Variants in SPTAN1 observed in about 807,000 individuals in gnomAD.
SPTAN1 encodes spectrin alpha, non-erythrocytic 1.
A neutral mutation model predicts 331.3 loss-of-function variants in SPTAN1; 61 were observed. That is an observed-to-expected ratio of 0.18 (90% CI 0.15 to 0.23). SPTAN1 has a LOEUF of 0.23. Ranked by LOEUF, SPTAN1 falls within the 10% of genes least tolerant of loss-of-function variation. The pLI is 1.00. For synonymous variants in SPTAN1, 1,153 were observed against 1,173.9 expected, an observed-to-expected ratio of 0.98 and a Z score of 0.36; for missense variants, 2,043 against 3,147.9, an observed-to-expected ratio of 0.65 and a Z score of 8.40.
rs181796543 is a variant in SPTAN1, at chr9:128,620,893, G to T, written c.5734-265G>T. On this transcript the variant is annotated intron_variant, in intron 44 of 56. Transcript: ENST00000372739. ...ACTGTTGATGGATGACAAAGGGTTTGACCCTTCCCAAAGGTCCAAAGACTG... is the reference window on the plus strand; with the variant it reads ...ACTGTTGATGGATGACAAAGGGTTTTACCCTTCCCAAAGGTCCAAAGACTG... Among the ~76,000 whole-genome samples the T allele has an allele frequency of 2.1e-3, 312 of 152,038 alleles. 1 individual carries two copies. The highest frequency in any genetic ancestry group is 7.1e-3 in the African/African-American group (296 of 41,490).
chr9:128,555,242 G>A lies in SPTAN1; in HGVS notation c.-4+2546G>A, dbSNP rs1049047160. On this transcript the variant is annotated intron_variant, in intron 1 of 56. Transcript: ENST00000372739. ...AGACACTGAAAAAATATCTGAAATT[G>A]GATTTTTAATCTGTATTCATATTTT... The A allele has an allele frequency of 8.0e-6, 6 of 751,418 alleles. No individual in the cohort carries two copies. In the Admixed American group the frequency reaches 1.4e-4, roughly 18 times the overall value. 46.5% of individuals were successfully genotyped at this position (751,418 alleles called of 1,614,324 possible). A position where few individuals can be genotyped will look rare whatever the true frequency, so the allele number is the denominator to read the frequency against.
Position 128,632,223 on chromosome 9 carries a change from T to C in SPTAN1, c.6859T>C (p.Tyr2287His). 1 of 1,613,390 alleles carries C rather than the reference T, an allele frequency of 6.2e-7. No individual in the cohort carries two copies. The highest frequency in any genetic ancestry group is 8.5e-7 in the Non-Finnish European group (1 of 1,179,978). ...GGAGGCCCTCATCCTGGACAACAAG[T>C]ACACGGAGCACAGCACCGTGGGCCT... ...MEEALILDNK[Y>H]TEHSTVGLAQ... is the part of the protein sequence containing the mutation. The change falls in exon 53 of 57, where the codon TAC becomes CAC. Residue 2287 changes from tyrosine to histidine, a missense_variant. By Grantham distance (83) the Tyr-to-His change is moderately conservative. Coordinates refer to ENST00000372739, the MANE Select transcript of SPTAN1 (RefSeq NM_001130438.3).
chr9:128,581,631 T>G (rs1270805476), intron 11 of SPTAN1, 151 bp from the exon 12 acceptor site: 1 of 706,270 alleles, frequency 1.4e-6, no homozygotes, highest in African/African-American at 1.8e-5. Context: ...CCAAAAGGAC[T>G]TTAGACTTCC....
chr9:128,591,205 G>C (rs1009603723), intron 21 of SPTAN1, among the ~76,000 whole-genome samples: 9 of 151,992 alleles, frequency 5.9e-5, no homozygotes, highest in Non-Finnish European at 1.2e-4. Context: ...GGGGCTACAG[G>C]TGCCCACCAC....
chr9:128,593,034 G>A lies in SPTAN1; in HGVS notation c.3207G>A (p.Val1069=). Residue 1069 remains valine, a synonymous_variant, in exon 23 of 57, where the codon GTG becomes GTA. Coordinates refer to ENST00000372739, the MANE Select transcript of SPTAN1 (RefSeq NM_001130438.3). ...AGSVSLRMKQ[V]EELYHSLLEL... is the part of the protein sequence containing the mutation. ...GTGTATCTCTGCGTATGAAGCAGGT[G>A]GAAGAACTGTGAGTAGGCTGAGAGT... 6.2e-7 allele frequency: 1 copy of A among 1,610,132 alleles called. No individual in the cohort carries two copies. Among genetic ancestry groups the A allele is most frequent in the Non-Finnish European group, 8.5e-7 (1 of 1,178,126 alleles).
At position 128,619,061 on chromosome 9, in the gene SPTAN1, A is replaced by G. The variant is rs919298405; in HGVS notation, c.5733+58A>G. On this transcript the variant is annotated intron_variant, in intron 44 of 56. Transcript: ENST00000372739. ...CTCTCTTGGCAACTGCCTGCTGGTC[A>G]TCATTTCCCTGTTGGTTTGTTAGAG... 7 of 1,611,046 alleles carry G rather than the reference A, an allele frequency of 4.3e-6. No homozygotes were observed. In the African/African-American group the frequency reaches 5.3e-5, roughly 12 times the overall value.
intron 24 of SPTAN1, chr9:128,596,524 C>T (rs1667553717): frequency 1.3e-5 from 2 of 149,268 alleles, no homozygotes; most frequent in African/African-American, 2.5e-5. Context: ...GATCCACCCG[C>T]CTCGGTCTCC....
At position 128,633,555 on chromosome 9, in the gene SPTAN1, T is replaced by C. The variant is rs567925858; in HGVS notation, c.*221T>C. 123 of 1,062,526 alleles carry C rather than the reference T, an allele frequency of 1.2e-4. No individual in the cohort carries two copies. In the African/African-American group the frequency reaches 1.7e-3, roughly 14 times the overall value. 65.8% of individuals were successfully genotyped at this position (1,062,526 alleles called of 1,614,324 possible). The stretch of plus-strand genomic sequence containing the variant: ...TGTGTCTTGAAGCAGCTGCCCTCAT[T>C]CCGACTTCAGAAAATCGAAGCAGCT... On this transcript the variant is annotated 3_prime_UTR_variant, in exon 57 of 57. Transcript: ENST00000372739.
intron 1 of SPTAN1, 141 bp from the exon 2 acceptor site, chr9:128,566,597 T>C: frequency 1.6e-6 from 2 of 1,279,770 alleles, no homozygotes; most frequent in Non-Finnish European, 2.2e-6. Context: ...GGCTTCATTG[T>C]TCCTAAGAAG....
At chr9:128,585,529 G>C (rs758034806) in intron 18 of SPTAN1, among the ~76,000 whole-genome samples, 30 of 152,088 alleles carry the variant, frequency 2.0e-4, no homozygotes, top group Non-Finnish European at 3.7e-4. Flanking sequence ...CTGCTTCTTA[G>C]AGTCTAGATA....
chr9:128,589,237 T>A (rs1284421290), intron 21 of SPTAN1, among the ~76,000 whole-genome samples: 1 of 152,130 alleles, frequency 6.6e-6, no homozygotes, highest in African/African-American at 2.4e-5. Context: ...CAAGCCAAAG[T>A]TTGCTTTCTG....
At chr9:128,591,647 G>T in intron 22 of SPTAN1, 22 bp downstream of exon 22, 4 of 1,612,812 alleles carry the variant, frequency 2.5e-6, no homozygotes, top group Non-Finnish European at 3.4e-6. Flanking sequence ...ACTGGGGGCC[G>T]CAAGGGCTAG....
At position 128,625,995 on chromosome 9, in the gene SPTAN1, G is replaced by A. The variant is rs1233546957; in HGVS notation, c.6279+17G>A. On this transcript the variant is annotated intron_variant, in intron 48 of 56. Transcript: ENST00000372739. The surrounding 1 kb of genome is among the most constrained non-coding windows in gnomAD (Gnocchi z 4.1). ...TTCCGCAAGGTGAGGATGGGGCCAC[G>A]TGAAGCTTAGCTGGCCCACAGCTCA... 6.2e-6 allele frequency: 10 copies of A among 1,612,802 alleles called. No individual in the cohort carries two copies. Among genetic ancestry groups the A allele is most frequent in the East Asian group, 4.5e-5 (2 of 44,874 alleles).
In SPTAN1 at chr9:128,593,057, A is replaced by G. The variant is rs367678277; in HGVS notation, c.3215+15A>G. On this transcript the variant is annotated intron_variant, in intron 23 of 56. Transcript: ENST00000372739. ...GTGGAAGAACTGTGAGTAGGCTGAG[A>G]GTCTTGCAGAGCACCAATGTCCACT... 9 of 1,605,498 alleles carry G rather than the reference A, an allele frequency of 5.6e-6. No homozygotes were observed. In the African/African-American group the frequency reaches 1.2e-4, roughly 21 times the overall value.
rs778917848 is a variant in SPTAN1, at chr9:128,625,846, C to A, written c.6147C>A (p.Leu2049=). Residue 2049 remains leucine, a synonymous_variant, in exon 48 of 57, where the codon CTC becomes CTA. Coordinates refer to ENST00000372739, the MANE Select transcript of SPTAN1 (RefSeq NM_001130438.3). The surrounding 1 kb of genome is among the most constrained non-coding windows in gnomAD (Gnocchi z 4.1). ...ANITALKDQL[L]AAKHVQSKAI... Reference sequence around the variant, plus strand: ...TCACTGCCCTCAAAGATCAGCTTCTCGCCGCCAAACACGTTCAGTCCAAGG... The same window carrying A: ...TCACTGCCCTCAAAGATCAGCTTCTAGCCGCCAAACACGTTCAGTCCAAGG... 1 of 1,614,170 alleles carries A rather than the reference C, an allele frequency of 6.2e-7. No homozygotes were observed. The highest frequency in any genetic ancestry group is 1.7e-5 in the Admixed American group (1 of 60,028).
intron 27 of SPTAN1, among the ~76,000 whole-genome samples, chr9:128,600,530 T>C (rs546757260): frequency 6.6e-6 from 1 of 152,160 alleles, no homozygotes; most frequent in African/African-American, 2.4e-5. Context: ...AGATGCCCAA[T>C]ACAGAGATGT....
chr9:128,617,532 C>A, intron 41 of SPTAN1, 108 bp from the exon 42 acceptor site: 1 of 1,547,646 alleles, frequency 6.5e-7, no homozygotes, highest in Non-Finnish European at 8.9e-7. Flanking sequence ...CAAGGATTTT[C>A]CCAGAAAGAT....
At chr9:128,582,375 A>T in intron 12 of SPTAN1, 104 bp from the exon 13 acceptor site, 1 of 999,940 alleles carries the variant, frequency 1.0e-6, no homozygotes, top group Non-Finnish European at 1.6e-6. Context: ...GACCTATGTT[A>T]AAGTTTGGTG....
chr9:128,619,701 C>T (rs1299592073), intron 44 of SPTAN1, among the ~76,000 whole-genome samples: 1 of 152,194 alleles, frequency 6.6e-6, no homozygotes, highest in East Asian at 1.9e-4. Context: ...ATCTTGTTTC[C>T]ACATTCATGG....
Sources: allele counts gnomAD v4.1 joint callset (sites outside exome capture counted in the v4.1 genomes callset), GRCh38; gene constraint gnomAD v4.1.1; non-coding constraint Gnocchi (gnomAD v3.1); transcripts MANE v1.5; gene names NCBI Gene and HGNC (gene_info 2026-07-23, HGNC 2026-07-21).